PTCD1: variants seen among roughly 807,000 people sequenced by gnomAD.
PTCD1 encodes pentatricopeptide repeat domain 1, also known as pentatricopeptide repeat-containing protein 1, mitochondrial.
PTCD1 carries 50 observed loss-of-function variants against 53.4 expected under a neutral mutation model. That is an observed-to-expected ratio of 0.94 (90% CI 0.75 to 1.19). The LOEUF is 1.19. Ranked by LOEUF, PTCD1 falls within the 50% of genes most tolerant of loss-of-function variation. PTCD1 has a pLI of 0.00. For synonymous variants in PTCD1, 413 were observed against 394.8 expected (o/e 1.05, Z -0.55); for missense variants, 918 against 904.8 (o/e 1.01, Z -0.19).
rs748903415 is a variant in PTCD1, at chr7:99,417,553, G to A, written c.*2414C>T. 12 of 1,612,400 alleles carry A rather than the reference G, an allele frequency of 7.4e-6. No homozygotes were observed. The highest frequency in any genetic ancestry group is 4.5e-5 in the East Asian group (2 of 44,876). On this transcript the variant is annotated 3_prime_UTR_variant, in exon 8 of 8. Coordinates refer to ENST00000292478, the MANE Select transcript of PTCD1 (RefSeq NM_015545.4). Reference sequence around the variant, plus strand: ...TTCAGACACGGGACACCAACTTCGGGACGAACTGCATCTGCCGCGTGCCCA... The same window carrying A: ...TTCAGACACGGGACACCAACTTCGGAACGAACTGCATCTGCCGCGTGCCCA...
At chr7:99,431,047 C>T (rs1196411136) in intron 3 of PTCD1, among the ~76,000 whole-genome samples, 1 of 151,692 alleles carries the variant, frequency 6.6e-6, no homozygotes, top group Non-Finnish European at 1.5e-5. Context: ...TGCACTCCAG[C>T]CAGGGTGACA....
At chr7:99,434,482 T>G (rs1304082741) in intron 2 of PTCD1, among the ~76,000 whole-genome samples, 1 of 150,326 alleles carries the variant, frequency 6.7e-6, no homozygotes, top group East Asian at 1.9e-4. Context: ...GCTAGAAGGG[T>G]GTGGAGGATT....
chr7:99,420,092 G>A lies in PTCD1; in HGVS notation c.1978C>T (p.Gln660Ter), dbSNP rs886043246. The A allele has an allele frequency of 5.6e-6, 9 of 1,614,220 alleles. No individual in the cohort carries two copies. The highest frequency in any genetic ancestry group is 7.6e-6 in the Non-Finnish European group (9 of 1,180,036). Residue 660 changes from glutamine to a stop codon, truncating the protein, a stop_gained, in exon 8 of 8, where the codon CAG becomes TAG. Transcript: ENST00000292478. LOFTEE classifies it low-confidence loss of function (END_TRUNC). ...KIDGFRAYYK[Q>*]WLTVMPAEET... Reference sequence around the variant, plus strand: ...TCTGCGGGCATCACTGTCAGCCACTGCTTGTAATAGGCTCGGAAGCCGTCA... The same window carrying A: ...TCTGCGGGCATCACTGTCAGCCACTACTTGTAATAGGCTCGGAAGCCGTCA...
rs1795730536 is a variant in PTCD1, at chr7:99,420,090, C to T, written c.1980G>A (p.Gln660=). 6.8e-6 allele frequency: 11 copies of T among 1,614,226 alleles called. No homozygotes were observed. The African/African-American group carries it at 1.2e-4, about 18-fold the overall frequency. Residue 660 remains glutamine, a synonymous_variant, in exon 8 of 8, where the codon CAG becomes CAA. Coordinates refer to ENST00000292478, the MANE Select transcript of PTCD1 (RefSeq NM_015545.4). The stretch of plus-strand genomic sequence containing the variant: ...CCTCTGCGGGCATCACTGTCAGCCA[C>T]TGCTTGTAATAGGCTCGGAAGCCGT... ...KIDGFRAYYK[Q]WLTVMPAEET... is the part of the protein sequence containing the mutation.
In PTCD1 at chr7:99,417,502, T is replaced by C. The variant is rs1312658611; in HGVS notation, c.*2465A>G. ...TTGCAAAATGGAAAAAGCAAGGATA[T>C]GAGAACTTGTGCTGCCTGCGGTGCA... On this transcript the variant is annotated 3_prime_UTR_variant, in exon 8 of 8. Transcript: ENST00000292478. The C allele has an allele frequency of 1.2e-6, 2 of 1,611,636 alleles. No homozygotes were observed. Among genetic ancestry groups the C allele is most frequent in the Admixed American group, 3.3e-5 (2 of 59,778 alleles).
At position 99,429,614 on chromosome 7, in the gene PTCD1, G is replaced by C. The variant is rs749652269; in HGVS notation, c.787C>G (p.Leu263Val). The change falls in exon 4 of 8, where the codon CTT becomes GTT. Residue 263 changes from leucine (L) to valine (V), a missense_variant. Coordinates refer to ENST00000292478, the MANE Select transcript of PTCD1 (RefSeq NM_015545.4). ...LLKMAAKCAD[L>V]RMCLDVFKEI... ...TTGAACACATCGAGGCACATCCTAA[G>C]GTCTGCGCACTTGGCAGCCATCTTC... 6.2e-7 allele frequency: 1 copy of C among 1,614,202 alleles called. No individual in the cohort carries two copies. Among genetic ancestry groups the C allele is most frequent in the South Asian group, 1.1e-5 (1 of 91,084 alleles).
intron 7 of PTCD1, among the ~76,000 whole-genome samples, chr7:99,421,215 G>A (rs989197339): frequency 9.2e-5 from 14 of 151,864 alleles, no homozygotes; most frequent in African/African-American, 2.4e-4. Context: ...CGAGGCAGGC[G>A]GATTACATGA....
At position 99,425,229 on chromosome 7, in the gene PTCD1, G is replaced by A. The variant is rs113135408; in HGVS notation, c.1303C>T (p.Pro435Ser). 8.1e-6 allele frequency: 13 copies of A among 1,612,014 alleles called. No homozygotes were observed. Among genetic ancestry groups the A allele is most frequent in the African/African-American group, 1.3e-5 (1 of 74,888 alleles). ...AGGAGGTTGACTTCCAGCTCCACGG[G>A]AGGTGGCTTCAGGGCCACTGCGGTG... ...ALTAVALKPP[P>S]VELEVNLLTP... The change falls in exon 6 of 8, where the codon CCC (proline) becomes TCC (serine). Residue 435 changes from proline to serine, a missense_variant. By Grantham distance (74) the Pro-to-Ser change is moderately conservative. Coordinates refer to ENST00000292478, the MANE Select transcript of PTCD1 (RefSeq NM_015545.4).
At chr7:99,437,734 G>A (rs920253785) in intron 1 of PTCD1, among the ~76,000 whole-genome samples, 11 of 151,954 alleles carry the variant, frequency 7.2e-5, no homozygotes, top group African/African-American at 2.4e-4. Context: ...GTACAATCTC[G>A]GCTCAATGCA....
At chr7:99,428,828 A>C (rs1015012428) in intron 5 of PTCD1, among the ~76,000 whole-genome samples, 1 of 134,848 alleles carries the variant, frequency 7.4e-6, no homozygotes, top group Non-Finnish European at 1.6e-5. Flanking sequence ...TCCCCAGGTG[A>C]GTGTGTGGCA....
At position 99,418,156 on chromosome 7, in the gene PTCD1, G is replaced by A. The variant is rs1487485238; in HGVS notation, c.*1811C>T. 1.3e-5 allele frequency: 3 copies of A among 237,220 alleles called. No individual in the cohort carries two copies. The highest frequency in any genetic ancestry group is 2.2e-5 in the Non-Finnish European group (3 of 137,490). The allele number at this position is 237,220 out of a possible 1,614,324, so 14.7% of individuals were successfully genotyped here. On this transcript the variant is annotated 3_prime_UTR_variant, in exon 8 of 8. Transcript: ENST00000292478. ...CTAATTTTGTATTTTTAGTAGAGAC[G>A]GGGTTTCTCAATGTTGCTCAGGCTG...
rs114565866 is a variant in PTCD1, at chr7:99,435,054, C to T, written c.189G>A (p.Thr63=). The change falls in exon 2 of 8, where the codon ACG becomes ACA. Residue 63 remains threonine (T), a synonymous_variant. Coordinates refer to ENST00000292478, the MANE Select transcript of PTCD1 (RefSeq NM_015545.4). ...LPLGQERQEN[T]GSLGSDPSHS... is the part of the protein sequence containing the mutation. ...GGCTCGGGTCAGAGCCCAGGCTGCC[C>T]GTGTTTTCCTGACGCTCCTGGCCGA... is the stretch of plus-strand genomic sequence containing the variant. 3,005 of 1,612,776 alleles carry T rather than the reference C, an allele frequency of 1.9e-3. 46 individuals carry two copies. The African/African-American group carries it at 0.035, about 19-fold the overall frequency.
rs1391988616 is a variant in PTCD1 at position 99,429,811 on chromosome 7, G to C, written c.595-5C>G. The C allele has an allele frequency of 6.2e-7, 1 of 1,613,926 alleles. No homozygotes were observed. Among genetic ancestry groups the C allele is most frequent in the East Asian group, 2.2e-5 (1 of 44,860 alleles). ...CTCCAGGTCCCGCTTTTTCATCTGT[G>C]GAGATGGAAGAAGCTCAGTGGTGGC... On this transcript the variant is annotated splice_region_variant and splice_polypyrimidine_tract_variant and intron_variant, in intron 3 of 7. Coordinates refer to ENST00000292478, the MANE Select transcript of PTCD1 (RefSeq NM_015545.4).
chr7:99,431,997 T>C (rs939276273), intron 3 of PTCD1, among the ~76,000 whole-genome samples: 2 of 152,202 alleles, frequency 1.3e-5, no homozygotes, highest in Admixed American at 6.5e-5. Flanking sequence ...GTAGGCTTGA[T>C]AAAAGTCATC....
intron 5 of PTCD1, among the ~76,000 whole-genome samples, chr7:99,426,209 C>CCTCTCCCCACGGTCTCCCTCTCCCT (rs113271040): frequency 2.7e-5 from 3 of 111,312 alleles, no homozygotes; most frequent in African/African-American, 1.5e-4. Context: ...TCTCCCTCTC[C>CCTCTCCCCACGGTCTCCCTCTCCCT]CTCTTTCCAC....
chr7:99,427,304 T>TG (rs1474202329), intron 5 of PTCD1, among the ~76,000 whole-genome samples: 27 of 65,600 alleles, frequency 4.1e-4, no homozygotes, highest in African/African-American at 9.9e-4. Flanking sequence ...AGGAGGGAGG[T>TG]GGGGGGGTCA....
rs1795709987 is a variant in PTCD1, at chr7:99,419,648, T to A, written c.*319A>T. 1.3e-6 allele frequency: 1 copy of A among 757,828 alleles called. No homozygotes were observed. Among genetic ancestry groups the A allele is most frequent in the Non-Finnish European group, 2.1e-6 (1 of 478,760 alleles). The allele number at this position is 757,828 out of a possible 1,614,324, so 46.9% of individuals were successfully genotyped here. A position where few individuals can be genotyped will look rare whatever the true frequency, so the allele number is the denominator to read the frequency against. ...CGTCTCTTCTTTCAGAGCATCGGCC[T>A]ATGGAACCCGGCGGGGCGGCCCAGG... On this transcript the variant is annotated 3_prime_UTR_variant, in exon 8 of 8. Transcript: ENST00000292478.
At chr7:99,427,242 G>T (rs548449954) in intron 5 of PTCD1, among the ~76,000 whole-genome samples, 262 of 145,534 alleles carry the variant, frequency 1.8e-3, no homozygotes, top group Non-Finnish European at 3.1e-3. Context: ...CCTCTGCCCG[G>T]CTGCCCCTAC....
Position 99,423,968 on chromosome 7 carries a change from G to A in PTCD1, c.1738-11C>T. 1 of 1,613,652 alleles carries A rather than the reference G, an allele frequency of 6.2e-7. No homozygotes were observed. On this transcript the variant is annotated splice_polypyrimidine_tract_variant and intron_variant, in intron 6 of 7. Transcript: ENST00000292478. Reference sequence around the variant, plus strand: ...GGTCACCTGGGACTTCTAGAACACAGGGACATCGTAGAATCAAGATGATGG... The same window carrying A: ...GGTCACCTGGGACTTCTAGAACACAAGGACATCGTAGAATCAAGATGATGG...
Sources: gnomAD v4.1 joint callset for allele counts (sites outside exome capture counted in the v4.1 genomes callset) on GRCh38, gnomAD v4.1.1 for gene constraint, MANE v1.5 for transcripts, NCBI Gene and HGNC (gene_info 2026-07-23, HGNC 2026-07-21) for gene names.